The following TSHZ2 variants were observed in gnomAD, a reference collection of about 807,000 sequenced individuals.
TSHZ2 encodes the protein teashirt homolog 2.
TSHZ2 carries 21 observed loss-of-function variants against 74.4 expected under a neutral mutation model. The ratio of observed to expected loss-of-function variants is 0.28; its 90% confidence interval spans 0.20 to 0.41. The LOEUF is 0.41. TSHZ2 is among the 10% of genes least tolerant of loss of function. The probability of loss-of-function intolerance (pLI) is 1.00; values close to 1 mark genes in which losing one functional copy is unlikely to be tolerated. For missense variants in TSHZ2, 1,244 were observed against 1,293.5 expected (o/e 0.96, Z 0.59); for synonymous variants, 540 against 515.3 (o/e 1.05, Z -0.65).
intron 2 of TSHZ2, among the ~76,000 whole-genome samples, chr20:53,310,822 G>A (rs1978755193): frequency 6.6e-6 from 1 of 152,144 alleles, no homozygotes. Flanking sequence ...TTATAATTAT[G>A]AAAGTGACAT....
At chr20:53,320,280 G>A (rs1979203956) in intron 2 of TSHZ2, among the ~76,000 whole-genome samples, 1 of 152,172 alleles carries the variant, frequency 6.6e-6, no homozygotes, top group Non-Finnish European at 1.5e-5. Flanking sequence ...GGCATAGGGA[G>A]GTTGAGTAAC....
intron 2 of TSHZ2, among the ~76,000 whole-genome samples, chr20:53,265,399 G>C (rs539937881): frequency 6.6e-6 from 1 of 152,088 alleles, no homozygotes; most frequent in African/African-American, 2.4e-5. Flanking sequence ...AGGGACAGGC[G>C]GGGGTGCAGC....
intron 2 of TSHZ2, among the ~76,000 whole-genome samples, chr20:53,422,175 A>G (rs1486809339): frequency 6.6e-6 from 1 of 152,224 alleles, no homozygotes; most frequent in African/African-American, 2.4e-5. Flanking sequence ...ATAACTAAAT[A>G]ACGAAAAAAA....
intron 2 of TSHZ2, among the ~76,000 whole-genome samples, chr20:53,482,195 A>G (rs1443974204): frequency 1.3e-5 from 2 of 151,518 alleles, no homozygotes; most frequent in Admixed American, 6.6e-5. Flanking sequence ...GTCAATGTTC[A>G]GCACTTGAAA....
intron 1 of TSHZ2, among the ~76,000 whole-genome samples, chr20:53,222,766 A>G (rs532817286): frequency 5.3e-5 from 8 of 152,234 alleles, no homozygotes; most frequent in Non-Finnish European, 1.0e-4. Context: ...GCCACATGCA[A>G]GCTTACAGAC....
intron 1 of TSHZ2, among the ~76,000 whole-genome samples, chr20:53,130,482 C>T (rs1412313524): frequency 6.6e-6 from 1 of 152,056 alleles, no homozygotes; most frequent in African/African-American, 2.4e-5. Flanking sequence ...AAAAGTTCGC[C>T]AGGTGTGGTG....
chr20:53,346,653 A>C (rs1281003493), intron 2 of TSHZ2, among the ~76,000 whole-genome samples: 3 of 152,238 alleles, frequency 2.0e-5, no homozygotes, highest in Non-Finnish European at 4.4e-5. Context: ...CGTCTAGGGT[A>C]GAGTGTTTGC....
At position 53,203,890 on chromosome 20, in the gene TSHZ2, A is replaced by G. The variant is rs1989072006; in HGVS notation, c.41-49609A>G. 2.0e-5 allele frequency among the ~76,000 whole-genome samples: 3 copies of G among 152,104 alleles called. No homozygotes were observed. In the South Asian group the frequency reaches 6.2e-4, roughly 32 times the overall value. ...AATGTTCAAGCGGTATGTCCCACAT[A>G]CCACATGGGGCTACTAAGCCCTTCA... On this transcript the variant is annotated intron_variant, in intron 1 of 2. Coordinates refer to ENST00000371497, the MANE Select transcript of TSHZ2 (RefSeq NM_173485.6).
At chr20:53,128,643 A>G (rs181086586) in intron 1 of TSHZ2, among the ~76,000 whole-genome samples, 1 of 150,952 alleles carries the variant, frequency 6.6e-6, no homozygotes, top group East Asian at 1.9e-4. Context: ...TTTTTTTTAG[A>G]TGGAGTCTCG....
At chr20:53,096,893 A>G (rs1184864415) in intron 1 of TSHZ2, among the ~76,000 whole-genome samples, 1 of 151,874 alleles carries the variant, frequency 6.6e-6, no homozygotes, top group Non-Finnish European at 1.5e-5. Flanking sequence ...AACAAACAAA[A>G]AAACCCAAAA....
intron 2 of TSHZ2, among the ~76,000 whole-genome samples, chr20:53,323,856 G>A (rs901323628): frequency 2.6e-5 from 4 of 151,956 alleles, no homozygotes; most frequent in African/African-American, 9.7e-5. Flanking sequence ...GGGATTATAG[G>A]CCTGAGCCAC....
At chr20:53,406,498 G>C (rs1318407863) in intron 2 of TSHZ2, among the ~76,000 whole-genome samples, 2 of 149,544 alleles carry the variant, frequency 1.3e-5, no homozygotes, top group Non-Finnish European at 2.9e-5. Context: ...CTTAACCTCA[G>C]CTTGACCTAC....
intron 1 of TSHZ2, among the ~76,000 whole-genome samples, chr20:53,242,652 A>G (rs907202650): frequency 1.4e-5 from 2 of 143,780 alleles, no homozygotes; most frequent in Non-Finnish European, 3.1e-5. Context: ...GTTTAAACCC[A>G]TGTGCACACT....
intron 2 of TSHZ2, among the ~76,000 whole-genome samples, chr20:53,366,114 G>T (rs1406487151): frequency 6.6e-6 from 1 of 152,226 alleles, no homozygotes; most frequent in Non-Finnish European, 1.5e-5. Context: ...TGTTGAAATA[G>T]TCTGAGTGCC....
In TSHZ2 at chr20:53,480,279, G is replaced by C. The variant is rs530350030; in HGVS notation, c.*9-6865G>C. On this transcript the variant is annotated intron_variant, in intron 2 of 2. Coordinates refer to ENST00000371497, the MANE Select transcript of TSHZ2 (RefSeq NM_173485.6). Reference sequence around the variant, plus strand: ...AGACTGGGTTTCTCCATGTTGGCCAGGCTGGTCTTTAACTCCTGACCTCAG... The same window carrying C: ...AGACTGGGTTTCTCCATGTTGGCCACGCTGGTCTTTAACTCCTGACCTCAG... 1.2e-4 allele frequency among the ~76,000 whole-genome samples: 18 copies of C among 151,950 alleles called. No homozygotes were observed. The East Asian group carries it at 3.3e-3, about 28-fold the overall frequency.
chr20:53,195,329 G>A (rs972443023), intron 1 of TSHZ2, among the ~76,000 whole-genome samples: 3 of 152,110 alleles, frequency 2.0e-5, no homozygotes, highest in Non-Finnish European at 4.4e-5. Flanking sequence ...TTCAGAGTCT[G>A]CATTTGGTTG....
chr20:53,353,665 C>A lies in TSHZ2; in HGVS notation c.*8+97094C>A, dbSNP rs750767097. 3.9e-5 allele frequency among the ~76,000 whole-genome samples: 6 copies of A among 152,268 alleles called. No homozygotes were observed. The South Asian group carries it at 1.2e-3, about 32-fold the overall frequency. On this transcript the variant is annotated intron_variant, in intron 2 of 2. Transcript: ENST00000371497. ...TTGTAACCAAACTTTTACACATATA[C>A]GTGATTAATTCCTTAAATTCCTATA...
chr20:53,171,138 C>T (rs1346953653), intron 1 of TSHZ2, among the ~76,000 whole-genome samples: 3 of 152,140 alleles, frequency 2.0e-5, no homozygotes, highest in African/African-American at 7.2e-5. Flanking sequence ...CATTAAGGCA[C>T]CAGCCCTCGA....
At chr20:53,299,850 A>T (rs187815507) in intron 2 of TSHZ2, among the ~76,000 whole-genome samples, 98 of 152,368 alleles carry the variant, frequency 6.4e-4, no homozygotes, top group Admixed American at 6.1e-3. Context: ...TAAACATTAT[A>T]CAGAGCCCAT....
Sources: allele counts gnomAD v4.1 joint callset (sites outside exome capture counted in the v4.1 genomes callset), GRCh38; gene constraint gnomAD v4.1.1; transcripts MANE v1.5; gene names NCBI Gene and HGNC (gene_info 2026-07-23, HGNC 2026-07-21).